The following EFR3A variants were observed in gnomAD, a reference collection of about 807,000 sequenced individuals.
The protein encoded by EFR3A is protein EFR3 homolog A.
In EFR3A, 76 loss-of-function variants were observed where a neutral mutation model predicts 104.4. The observed-to-expected ratio is 0.73, with a 90% CI of 0.60 to 0.88. The LOEUF is 0.88. Ranked by LOEUF, EFR3A falls within the 40% of genes least tolerant of loss-of-function variation. The pLI is 0.00. For synonymous variants in EFR3A, 330 were observed against 330.0 expected, an observed-to-expected ratio of 1.00 and a Z score of 0.00; for missense variants, 985 against 1,012.5, an observed-to-expected ratio of 0.97 and a Z score of 0.37.
intron 8 of EFR3A, among the ~76,000 whole-genome samples, chr8:131,966,568 C>A (rs1346573150): frequency 2.0e-5 from 3 of 152,012 alleles, no homozygotes; most frequent in African/African-American, 7.2e-5. Context: ...CATTTAATTG[C>A]CCCAAGAATC....
chr8:131,930,047 A>C (rs1200271335), intron 1 of EFR3A, among the ~76,000 whole-genome samples: 2 of 152,138 alleles, frequency 1.3e-5, no homozygotes, highest in Non-Finnish European at 2.9e-5. Flanking sequence ...AAACTGCCCT[A>C]TAACTCCATG....
Position 131,985,000 on chromosome 8 carries a change from A to G in EFR3A, c.1809A>G (p.Ala603=), listed in dbSNP as rs559626667. ...HRCGIMALVA[A]YLNFVSQMIA... ...GTGGAATCATGGCACTGGTTGCAGC[A>G]TACCTCAACTTTGTAAGTCAGATGA... is the stretch of plus-strand genomic sequence containing the variant. Residue 603 remains alanine, a synonymous_variant, in exon 16 of 23, where the codon GCA becomes GCG. Coordinates refer to ENST00000254624, the MANE Select transcript of EFR3A (RefSeq NM_015137.6). 60 of 1,613,670 alleles carry G rather than the reference A, an allele frequency of 3.7e-5. 1 individual carries two copies. The South Asian group carries it at 6.0e-4, about 16-fold the overall frequency.
chr8:131,959,746 G>A, intron 8 of EFR3A, 83 bp downstream of exon 8: 2 of 844,578 alleles, frequency 2.4e-6, no homozygotes, highest in Non-Finnish European at 3.7e-6. Context: ...ACAGATGTGG[G>A]AAGCTGTAGG....
chr8:131,943,374 G>A (rs75387802), intron 2 of EFR3A, among the ~76,000 whole-genome samples: 26 of 151,998 alleles, frequency 1.7e-4, no homozygotes, highest in African/African-American at 5.8e-4. Flanking sequence ...AATTAGTAAG[G>A]GATTAAAAAT....
intron 1 of EFR3A, among the ~76,000 whole-genome samples, chr8:131,928,310 C>T (rs1178112683): frequency 3.3e-5 from 5 of 152,078 alleles, no homozygotes; most frequent in African/African-American, 1.2e-4. Context: ...ATACGTTCGA[C>T]ATTAAATGCT....
At position 131,967,714 on chromosome 8, in the gene EFR3A, A is replaced by G. The variant is rs372738678; in HGVS notation, c.856-581A>G. Reference sequence around the variant, plus strand: ...ATAAAGTTGCCTTTGTTAATTGCACATCTTTTGAGATCTCCTTGATTTAAA... The same window carrying G: ...ATAAAGTTGCCTTTGTTAATTGCACGTCTTTTGAGATCTCCTTGATTTAAA... On this transcript the variant is annotated intron_variant, in intron 8 of 22. Coordinates refer to ENST00000254624, the MANE Select transcript of EFR3A (RefSeq NM_015137.6). Among the ~76,000 whole-genome samples the G allele has an allele frequency of 7.9e-5, 12 of 151,954 alleles. No individual in the cohort carries two copies. In the East Asian group the frequency reaches 1.7e-3, roughly 22 times the overall value.
chr8:131,998,277 G>T (rs915203477), intron 19 of EFR3A, among the ~76,000 whole-genome samples: 1 of 151,998 alleles, frequency 6.6e-6, no homozygotes, highest in Admixed American at 6.5e-5. Context: ...TAATGGTGCA[G>T]CAGAATATCA....
rs1220573281 is a variant in EFR3A, at chr8:132,001,815, A to T, written c.2206+8A>T. ...CATTGAAGAAAGCAATTGGTGAGAT[A>T]TTTTGCACTTGTTAGTACTACCAAT... On this transcript the variant is annotated splice_region_variant and intron_variant, in intron 20 of 22. Coordinates refer to ENST00000254624, the MANE Select transcript of EFR3A (RefSeq NM_015137.6). 1.2e-6 allele frequency: 2 copies of T among 1,611,790 alleles called. No homozygotes were observed. The highest frequency in any genetic ancestry group is 2.7e-5 in the African/African-American group (2 of 74,882).
chr8:131,919,244 C>T (rs192595131), intron 1 of EFR3A, among the ~76,000 whole-genome samples: 1 of 152,032 alleles, frequency 6.6e-6, no homozygotes, highest in African/African-American at 2.4e-5. Flanking sequence ...GTAAGTATAC[C>T]GAAGGAAATG....
intron 1 of EFR3A, among the ~76,000 whole-genome samples, chr8:131,928,252 A>G (rs1736450776): frequency 6.6e-6 from 1 of 152,110 alleles, no homozygotes; most frequent in African/African-American, 2.4e-5. Context: ...TAAGAATAAG[A>G]TAGTTGCCCA....
Position 132,011,004 on chromosome 8 carries a change from A to G in EFR3A, c.*109A>G. 7.5e-7 allele frequency: 1 copy of G among 1,329,522 alleles called. No individual in the cohort carries two copies. The highest frequency in any genetic ancestry group is 9.8e-7 in the Non-Finnish European group (1 of 1,025,620). 82.4% of individuals were successfully genotyped at this position (1,329,522 alleles called of 1,614,324 possible). A position where few individuals can be genotyped will look rare whatever the true frequency, so the allele number is the denominator to read the frequency against. On this transcript the variant is annotated 3_prime_UTR_variant, in exon 23 of 23. Transcript: ENST00000254624. ...ATTAACATACTTCTTGAAAATAATG[A>G]TGGAACATATCTTTAACCAAATGTT... is the stretch of plus-strand genomic sequence containing the variant.
Position 131,979,389 on chromosome 8 carries a change from A to G in EFR3A, c.1543A>G (p.Ile515Val). The G allele has an allele frequency of 6.4e-7, 1 of 1,567,688 alleles. No individual in the cohort carries two copies. ...TGACCTAAAGATAAAAAGAGAAAAA[A>G]TTTGCAGACAAGACACAAGTTTCAT... is the stretch of plus-strand genomic sequence containing the variant. Reference protein sequence around the residue: ...VADLKIKREKICRQDTSFMKK... With the variant: ...VADLKIKREKVCRQDTSFMKK... The change falls in exon 14 of 23, where the codon ATT (isoleucine) becomes GTT (valine). Residue 515 changes from isoleucine to valine, a missense_variant. By Grantham distance (29) the Ile-to-Val change is conservative. Coordinates refer to ENST00000254624, the MANE Select transcript of EFR3A (RefSeq NM_015137.6).
Position 132,005,587 on chromosome 8 carries a change from G to T in EFR3A, c.2360+2302G>T, listed in dbSNP as rs556451269. Among the ~76,000 whole-genome samples the T allele has an allele frequency of 6.3e-4, 95 of 152,000 alleles. 1 individual carries two copies. Among genetic ancestry groups the T allele is most frequent in the African/African-American group, 2.1e-3 (87 of 41,456 alleles). On this transcript the variant is annotated intron_variant, in intron 22 of 22. Transcript: ENST00000254624. ...CACACACACGTCAAAGAATTTAAAGGACAAGATACATATAGTTTGGAGAGA... is the reference window on the plus strand; with the variant it reads ...CACACACACGTCAAAGAATTTAAAGTACAAGATACATATAGTTTGGAGAGA...
chr8:132,000,490 A>G (rs914772844), intron 19 of EFR3A, among the ~76,000 whole-genome samples: 2 of 152,172 alleles, frequency 1.3e-5, no homozygotes, highest in East Asian at 3.8e-4. Flanking sequence ...GCAAACAGGG[A>G]CAAAAAGTGA....
intron 10 of EFR3A, among the ~76,000 whole-genome samples, chr8:131,975,798 T>A (rs1847787904): frequency 6.6e-6 from 1 of 152,204 alleles, no homozygotes; most frequent in South Asian, 2.1e-4. Flanking sequence ...AAAAAGACTT[T>A]GATATATTTA....
At chr8:131,996,808 C>T (rs1222108275) in intron 19 of EFR3A, among the ~76,000 whole-genome samples, 2 of 151,956 alleles carry the variant, frequency 1.3e-5, no homozygotes, top group Admixed American at 6.6e-5. Flanking sequence ...AAACTTTATA[C>T]AAAGCCTGTC....
intron 1 of EFR3A, chr8:131,940,255 G>T (rs1818098146): frequency 6.5e-6 from 3 of 461,074 alleles, no homozygotes; most frequent in Non-Finnish European, 1.2e-5. Context: ...CACTTTGTCA[G>T]ATGAATTTGG....
chr8:131,936,886 G>T (rs572519805), intron 1 of EFR3A, among the ~76,000 whole-genome samples: 4 of 152,092 alleles, frequency 2.6e-5, no homozygotes, highest in Admixed American at 1.3e-4. Context: ...GTCCTTTTCG[G>T]TTTTTTTATA....
chr8:131,944,971 A>G (rs1818361132), intron 3 of EFR3A, 99 bp downstream of exon 3: 2 of 1,281,946 alleles, frequency 1.6e-6, no homozygotes, highest in East Asian at 2.5e-5. Context: ...TGAGACAAAG[A>G]TAATATATAG....
Sources: gnomAD v4.1 joint callset for allele counts (sites outside exome capture counted in the v4.1 genomes callset) on GRCh38, gnomAD v4.1.1 for gene constraint, MANE v1.5 for transcripts, NCBI Gene and HGNC (gene_info 2026-07-23, HGNC 2026-07-21) for gene names.